The following ARHGAP15 variants were observed in gnomAD, a reference collection of about 807,000 sequenced individuals.
ARHGAP15 encodes rho GTPase-activating protein 15.
A neutral mutation model predicts 63.7 loss-of-function variants in ARHGAP15; 51 were observed. The observed-to-expected ratio is 0.80, with a 90% confidence interval of 0.64 to 1.01. The LOEUF (loss-of-function observed/expected upper bound fraction) is 1.01. Among genes scored for constraint, ARHGAP15 ranks in the 50% least tolerant of loss-of-function variants. The pLI is 0.00. For synonymous variants in ARHGAP15, 191 were observed against 193.8 expected (o/e 0.99, Z 0.12); for missense variants, 560 against 564.6 (o/e 0.99, Z 0.08).
chr2:143,546,277 A>G (rs945728688), intron 10 of ARHGAP15, among the ~76,000 whole-genome samples: 1 of 152,180 alleles, frequency 6.6e-6, no homozygotes, highest in African/African-American at 2.4e-5. Flanking sequence ...GAAAAGAATG[A>G]TGGCAAATAT....
At chr2:143,249,402 T>G (rs1680023207) in intron 5 of ARHGAP15, among the ~76,000 whole-genome samples, 2 of 152,108 alleles carry the variant, frequency 1.3e-5, no homozygotes, top group South Asian at 4.1e-4. Flanking sequence ...GCAACAAACA[T>G]GGACAGAATA....
At chr2:143,481,167 C>A (rs1455612727) in intron 8 of ARHGAP15, among the ~76,000 whole-genome samples, 1 of 151,810 alleles carries the variant, frequency 6.6e-6, no homozygotes, top group African/African-American at 2.4e-5. Context: ...GGCACTAAAG[C>A]TACTGTTGCC....
At chr2:143,763,160 T>TA (rs933578454) in intron 13 of ARHGAP15, among the ~76,000 whole-genome samples, 16 of 150,698 alleles carry the variant, frequency 1.1e-4, no homozygotes, top group Admixed American at 4.0e-4. Flanking sequence ...GATGTGAGGT[T>TA]AAAAAAAAAT....
chr2:143,512,784 A>G (rs930822086), intron 9 of ARHGAP15, among the ~76,000 whole-genome samples: 6 of 152,196 alleles, frequency 3.9e-5, no homozygotes, highest in African/African-American at 1.4e-4. Context: ...TAGGCACTGG[A>G]AAGTCAGGAG....
chr2:143,325,003 G>A (rs1684188935), intron 6 of ARHGAP15, among the ~76,000 whole-genome samples: 1 of 152,100 alleles, frequency 6.6e-6, no homozygotes, highest in Non-Finnish European at 1.5e-5. Flanking sequence ...ACAAGTCATG[G>A]CTGGAGAAGA....
At chr2:143,143,685 G>C (rs1015116824) in intron 1 of ARHGAP15, among the ~76,000 whole-genome samples, 6 of 150,266 alleles carry the variant, frequency 4.0e-5, no homozygotes, top group African/African-American at 1.2e-4. Context: ...ACAGTAATAA[G>C]AGTACATGCT....
At chr2:143,666,597 C>T (rs1682202795) in intron 12 of ARHGAP15, among the ~76,000 whole-genome samples, 1 of 126,532 alleles carries the variant, frequency 7.9e-6, no homozygotes, top group African/African-American at 2.9e-5. Flanking sequence ...AGAGCTTCTG[C>T]ACAGCAAAAG....
intron 5 of ARHGAP15, among the ~76,000 whole-genome samples, chr2:143,234,895 C>T (rs1693582657): frequency 6.6e-6 from 1 of 152,122 alleles, no homozygotes; most frequent in African/African-American, 2.4e-5. Flanking sequence ...GTGGCAGTCC[C>T]ACTGTCTTTT....
At chr2:143,250,691 T>G in intron 6 of ARHGAP15, 91 bp downstream of exon 6, 1 of 1,013,612 alleles carries the variant, frequency 9.9e-7, no homozygotes, top group South Asian at 1.4e-5. Context: ...TCTTGTGATG[T>G]GCTCATGTAC....
At chr2:143,131,822 A>G (rs775986402) in intron 1 of ARHGAP15, among the ~76,000 whole-genome samples, 18 of 152,156 alleles carry the variant, frequency 1.2e-4, no homozygotes, top group Admixed American at 6.5e-5. Flanking sequence ...GACTGATGCC[A>G]TGGTAAATGG....
chr2:143,463,769 G>A (rs1691075289), intron 8 of ARHGAP15, among the ~76,000 whole-genome samples: 1 of 152,078 alleles, frequency 6.6e-6, no homozygotes, highest in Non-Finnish European at 1.5e-5. Context: ...GATTATTAGA[G>A]ACTTTAATTT....
At chr2:143,141,514 T>A (rs993142641) in intron 1 of ARHGAP15, among the ~76,000 whole-genome samples, 2 of 152,006 alleles carry the variant, frequency 1.3e-5, no homozygotes, top group Non-Finnish European at 2.9e-5. Context: ...GATATAATTA[T>A]CTGCCAAAAT....
At chr2:143,283,830 T>C (rs1188578708) in intron 6 of ARHGAP15, among the ~76,000 whole-genome samples, 1 of 152,192 alleles carries the variant, frequency 6.6e-6, no homozygotes, top group African/African-American at 2.4e-5. Context: ...TATTTTCCCA[T>C]GTTCACCTAT....
intron 11 of ARHGAP15, among the ~76,000 whole-genome samples, chr2:143,589,055 T>C (rs1697219832): frequency 6.6e-6 from 1 of 152,016 alleles, no homozygotes; most frequent in Non-Finnish European, 1.5e-5. Flanking sequence ...TTGGGCCCTC[T>C]TGCCTACCCA....
At chr2:143,302,171 A>G (rs1290426493) in intron 6 of ARHGAP15, among the ~76,000 whole-genome samples, 1 of 151,934 alleles carries the variant, frequency 6.6e-6, no homozygotes, top group Non-Finnish European at 1.5e-5. Context: ...TAAGATATGA[A>G]TATCAGATGT....
chr2:143,529,049 G>GT (rs1213566795), intron 10 of ARHGAP15, among the ~76,000 whole-genome samples: 2 of 151,976 alleles, frequency 1.3e-5, no homozygotes, highest in Non-Finnish European at 2.9e-5. Flanking sequence ...TACTCAAGCT[G>GT]TTTTTTTCCC....
rs190725191 is a variant in ARHGAP15, at chr2:143,488,551, G to A, written c.826+1056G>A. On this transcript the variant is annotated intron_variant, in intron 9 of 13. Coordinates refer to ENST00000295095, the MANE Select transcript of ARHGAP15 (RefSeq NM_018460.4). The stretch of plus-strand genomic sequence containing the variant: ...TGTAAGAAAGAATTTGAAATTGGGC[G>A]AAAAGAAACTCCTAACCCTCAGAAG... Among the ~76,000 whole-genome samples the A allele has an allele frequency of 3.0e-3, 458 of 152,232 alleles. 1 individual carries two copies. Among genetic ancestry groups the A allele is most frequent in the Middle Eastern group, 0.024 (7 of 294 alleles).
chr2:143,202,834 T>C (rs369485273), intron 3 of ARHGAP15, among the ~76,000 whole-genome samples: 2 of 152,108 alleles, frequency 1.3e-5, no homozygotes, highest in South Asian at 2.1e-4. Context: ...GAATGGCACT[T>C]TTTTCCATGT....
At chr2:143,519,058 G>C in intron 9 of ARHGAP15, 1 of 412,578 alleles carries the variant, frequency 2.4e-6, no homozygotes. Flanking sequence ...CTGAGCGTCA[G>C]TTTTCTCACT....
Sources: gnomAD v4.1 joint callset for allele counts (sites outside exome capture counted in the v4.1 genomes callset) on GRCh38, gnomAD v4.1.1 for gene constraint, MANE v1.5 for transcripts, NCBI Gene and HGNC (gene_info 2026-07-23, HGNC 2026-07-21) for gene names.